Variants in CPEB1 observed in about 807,000 individuals in gnomAD.
CPEB1 encodes the protein cytoplasmic polyadenylation element binding protein 1, also known as cytoplasmic polyadenylation element-binding protein 1.
CPEB1 carries 7 observed loss-of-function variants against 65.8 expected under a neutral mutation model. That is an observed-to-expected ratio of 0.11 (90% CI 0.06 to 0.20). The LOEUF is 0.20. Among genes scored for constraint, CPEB1 ranks in the 10% least tolerant of loss-of-function variants. The pLI is 1.00. For synonymous variants in CPEB1, 262 were observed against 260.0 expected, an observed-to-expected ratio of 1.01 and a Z score of -0.08; for missense variants, 551 against 712.2, an observed-to-expected ratio of 0.77 and a Z score of 2.58.
Position 82,544,689 on chromosome 15 carries a change from T to G in CPEB1, c.1670A>C (p.Tyr557Ser). The change falls in exon 13 of 13, where the codon TAC (tyrosine) becomes TCC (serine). Residue 557 changes from tyrosine to serine, a missense_variant. By Grantham distance (144) the Tyr-to-Ser change is moderately radical (BLOSUM62 -2). This residue lies in a region of CPEB1 where 98 missense variants were observed against 157.6 expected (regional missense o/e 0.62). Transcript: ENST00000684509. ...CCAGTGCCAGCAGCTCCGGCAGAAG[T>G]ATTTGAAGCAGACCTGGGTTGGGGG... ...FFCRDQVCFK[Y>S]FCRSCWHWRH... 1 of 1,613,226 alleles carries G rather than the reference T, an allele frequency of 6.2e-7. No homozygotes were observed. Among genetic ancestry groups the G allele is most frequent in the Non-Finnish European group, 8.5e-7 (1 of 1,179,754 alleles).
chr15:82,558,203 G>T (rs1596015112), intron 4 of CPEB1, among the ~76,000 whole-genome samples: 1 of 152,362 alleles, frequency 6.6e-6, no homozygotes, highest in Non-Finnish European at 1.5e-5. Context: ...GAAGACCAGA[G>T]TTCCTGCTGT....
chr15:82,645,655 G>A (rs1402764344), intron 1 of CPEB1, among the ~76,000 whole-genome samples: 1 of 151,972 alleles, frequency 6.6e-6, no homozygotes, highest in Non-Finnish European at 1.5e-5. Flanking sequence ...GGATCACGAG[G>A]TCAGGAGTTC....
chr15:82,579,873 C>T (rs1312829863), intron 3 of CPEB1, among the ~76,000 whole-genome samples: 1 of 120,818 alleles, frequency 8.3e-6, no homozygotes, highest in Non-Finnish European at 1.6e-5. Context: ...CATTGCGCCA[C>T]TGCAGTCTGC....
intron 3 of CPEB1, among the ~76,000 whole-genome samples, chr15:82,588,089 GT>G (rs758412445): frequency 1.4e-5 from 2 of 145,082 alleles, no homozygotes; most frequent in African/African-American, 2.6e-5. Context: ...ATCCAACTAG[GT>G]TTTTTTTTGT....
At chr15:82,589,570 CCT>C (rs2042058109) in intron 3 of CPEB1, among the ~76,000 whole-genome samples, 1 of 152,056 alleles carries the variant, frequency 6.6e-6, no homozygotes, top group African/African-American at 2.4e-5. Context: ...ATGGTGAAAC[CCT>C]GTCTCTACCA....
At chr15:82,586,333 A>C (rs1032184764) in intron 3 of CPEB1, among the ~76,000 whole-genome samples, 3 of 151,910 alleles carry the variant, frequency 2.0e-5, no homozygotes, top group Admixed American at 6.6e-5. Context: ...CTTTTCCTTT[A>C]CATCAATAAG....
At chr15:82,630,018 T>G (rs1329064901) in intron 1 of CPEB1, 2 of 985,290 alleles carry the variant, frequency 2.0e-6, no homozygotes, top group African/African-American at 3.5e-5. Context: ...TTAAATCCAG[T>G]GACACACAAG....
chr15:82,597,798 T>A (rs2042776055), intron 3 of CPEB1, among the ~76,000 whole-genome samples: 1 of 152,180 alleles, frequency 6.6e-6, no homozygotes, highest in Admixed American at 6.5e-5. Context: ...CCAGCCTGCA[T>A]GACAAGAATG....
chr15:82,566,291 T>TG (rs2039110187), intron 4 of CPEB1, among the ~76,000 whole-genome samples: 1 of 152,120 alleles, frequency 6.6e-6, no homozygotes, highest in African/African-American at 2.4e-5. Flanking sequence ...AATAGTCTAA[T>TG]GGGGGAAAAA....
chr15:82,618,588 A>C (rs2044986189), intron 3 of CPEB1, among the ~76,000 whole-genome samples: 1 of 152,204 alleles, frequency 6.6e-6, no homozygotes, highest in Non-Finnish European at 1.5e-5. Flanking sequence ...GGTTACCTCA[A>C]ACAATTTGCA....
chr15:82,640,466 AC>A (rs1458490479), intron 1 of CPEB1, among the ~76,000 whole-genome samples: 1 of 152,110 alleles, frequency 6.6e-6, no homozygotes, highest in Non-Finnish European at 1.5e-5. Flanking sequence ...TTGCCTAAAA[AC>A]AGCCCTGTTT....
intron 3 of CPEB1, among the ~76,000 whole-genome samples, chr15:82,594,736 C>T (rs749716719): frequency 1.3e-5 from 2 of 152,162 alleles, no homozygotes; most frequent in Non-Finnish European, 2.9e-5. Flanking sequence ...TTCATCATTT[C>T]TAGTTTTTGA....
chr15:82,582,337 G>A (rs2041357542), intron 3 of CPEB1, among the ~76,000 whole-genome samples: 1 of 152,166 alleles, frequency 6.6e-6, no homozygotes, highest in Admixed American at 6.5e-5. Flanking sequence ...ACTACTGCAT[G>A]CAGGATAAAA....
At chr15:82,578,762 A>C (rs2040926220) in intron 3 of CPEB1, among the ~76,000 whole-genome samples, 1 of 152,156 alleles carries the variant, frequency 6.6e-6, no homozygotes, top group Non-Finnish European at 1.5e-5. Flanking sequence ...GTCTCAAAAA[A>C]ACAAACAAAC....
At chr15:82,570,980 C>A (rs978995843) in intron 4 of CPEB1, among the ~76,000 whole-genome samples, 1 of 152,170 alleles carries the variant, frequency 6.6e-6, no homozygotes, top group Non-Finnish European at 1.5e-5. Flanking sequence ...TCCCCTCCCC[C>A]ACCTAAAAGT....
At position 82,543,851 on chromosome 15, in the gene CPEB1, G is replaced by C. The variant is rs2034716835; in HGVS notation, c.*741C>G. The C allele has an allele frequency of 1.3e-5, 2 of 152,078 alleles. No individual in the cohort carries two copies. Among genetic ancestry groups the C allele is most frequent in the Admixed American group, 6.6e-5 (1 of 15,248 alleles). 9.4% of individuals were successfully genotyped at this position (152,078 alleles called of 1,614,324 possible). A position where few individuals can be genotyped will look rare whatever the true frequency, so the allele number is the denominator to read the frequency against. Reference sequence around the variant, plus strand: ...TTTTTTTCTTGGTTGCAAATGCCTTGATTTGCAACTGTGAGAAACAGTGAC... The same window carrying C: ...TTTTTTTCTTGGTTGCAAATGCCTTCATTTGCAACTGTGAGAAACAGTGAC... On this transcript the variant is annotated 3_prime_UTR_variant, in exon 13 of 13. Coordinates refer to ENST00000684509, the MANE Select transcript of CPEB1 (RefSeq NM_001365242.1).
In CPEB1 at chr15:82,576,695, G is replaced by C. The variant is rs1018278033; in HGVS notation, c.272-5163C>G. ...AAAGTCAGACTTTTTCTGAAAAAAT[G>C]AAAGTCTGACTGAACTAATTGATTT... On this transcript the variant is annotated intron_variant, in intron 3 of 12. Coordinates refer to ENST00000684509, the MANE Select transcript of CPEB1 (RefSeq NM_001365242.1). 3.9e-5 allele frequency among the ~76,000 whole-genome samples: 6 copies of C among 152,120 alleles called. No individual in the cohort carries two copies. The South Asian group carries it at 1.2e-3, about 32-fold the overall frequency.
At position 82,575,802 on chromosome 15, in the gene CPEB1, T is replaced by C. The variant is rs2040583534; in HGVS notation, c.272-4270A>G. 2.0e-5 allele frequency among the ~76,000 whole-genome samples: 3 copies of C among 152,120 alleles called. No individual in the cohort carries two copies. The South Asian group carries it at 6.2e-4, about 32-fold the overall frequency. ...TACCACATCTTGCCAACATTTGATG[T>C]TGTCAATCAAAGCTTCATTACCGTA... On this transcript the variant is annotated intron_variant, in intron 3 of 12. Coordinates refer to ENST00000684509, the MANE Select transcript of CPEB1 (RefSeq NM_001365242.1).
At chr15:82,579,691 T>A (rs2041043922) in intron 3 of CPEB1, among the ~76,000 whole-genome samples, 3 of 150,682 alleles carry the variant, frequency 2.0e-5, no homozygotes, top group Non-Finnish European at 4.4e-5. Context: ...GACGGGTGGA[T>A]CATGAGGTCA....
Sources: gnomAD v4.1 joint callset for allele counts (sites outside exome capture counted in the v4.1 genomes callset) on GRCh38, gnomAD v4.1.1 for gene constraint, gnomAD v4.1.1 regional missense constraint, MANE v1.5 for transcripts, NCBI Gene and HGNC (gene_info 2026-07-23, HGNC 2026-07-21) for gene names.